The following CPNE2 variants were observed in gnomAD, a reference collection of about 807,000 sequenced individuals.
CPNE2 encodes the protein copine 2, also known as copine-2.
Under a neutral mutation model 69.7 loss-of-function variants are expected in CPNE2, and 42 were observed. The ratio of observed to expected loss-of-function variants is 0.60; its 90% CI spans 0.47 to 0.78. The LOEUF is 0.78. Ranked by LOEUF, CPNE2 falls within the 30% of genes least tolerant of loss-of-function variation. CPNE2 has a pLI of 0.00. For synonymous variants in CPNE2, 294 were observed against 289.8 expected (o/e 1.01, Z -0.15); for missense variants, 587 against 732.0 (o/e 0.80, Z 2.29).
At chr16:57,134,650 G>A in intron 12 of CPNE2, 125 bp from the exon 13 acceptor site, 1 of 968,778 alleles carries the variant, frequency 1.0e-6, no homozygotes, top group Admixed American at 1.9e-5. Flanking sequence ...GTGGCCTAGA[G>A]GAGGGTAGGG....
At chr16:57,118,565 C>T (rs1463438837) in intron 5 of CPNE2, among the ~76,000 whole-genome samples, 1 of 151,852 alleles carries the variant, frequency 6.6e-6, no homozygotes, top group African/African-American at 2.4e-5. Context: ...ACCTGTAATC[C>T]CAGCTACTTG....
chr16:57,094,762 C>G (rs982457181), intron 1 of CPNE2, among the ~76,000 whole-genome samples: 3 of 152,144 alleles, frequency 2.0e-5, no homozygotes, highest in African/African-American at 2.4e-5. Context: ...TGCTCCTCCC[C>G]CTCCCGTCAG....
chr16:57,121,847 G>C, intron 9 of CPNE2, 87 bp downstream of exon 9: 1 of 1,304,478 alleles, frequency 7.7e-7, no homozygotes, highest in Non-Finnish European at 1.1e-6. Flanking sequence ...TGGAGCCAGC[G>C]AGGCCTGTGT....
intron 14 of CPNE2, among the ~76,000 whole-genome samples, chr16:57,140,014 G>A (rs894891570): frequency 2.6e-5 from 4 of 151,624 alleles, no homozygotes; most frequent in Non-Finnish European, 5.9e-5. Flanking sequence ...AAGAGTGGCC[G>A]GGGTAGAGGG....
chr16:57,140,856 C>T (rs1231969713), intron 14 of CPNE2: 2 of 148,542 alleles, frequency 1.3e-5, no homozygotes, highest in African/African-American at 5.0e-5. Context: ...TGAGCCACGG[C>T]ACCCGGCCGG....
chr16:57,122,416 G>A (rs1400456397), intron 9 of CPNE2, among the ~76,000 whole-genome samples: 4 of 152,192 alleles, frequency 2.6e-5, no homozygotes, highest in African/African-American at 2.4e-5. Context: ...GGGTTTACAC[G>A]AACATTCAGT....
In CPNE2 at chr16:57,113,437, C is replaced by T. The variant is rs2069694821; in HGVS notation, c.330C>T (p.Phe110=). ...GTATGCGGCTGGACGAGCATGACTT[C>T]CTGGGCCAGTTCTCCTGCAGCCTGG... ...KSSMRLDEHD[F]LGQFSCSLGT... is the part of the protein sequence containing the mutation. The change falls in exon 3 of 16, where the codon TTC becomes TTT. Residue 110 remains phenylalanine, a synonymous_variant. Coordinates refer to ENST00000290776, the MANE Select transcript of CPNE2 (RefSeq NM_152727.6). 1.2e-6 allele frequency: 2 copies of T among 1,613,892 alleles called. No homozygotes were observed. Among genetic ancestry groups the T allele is most frequent in the Admixed American group, 1.7e-5 (1 of 59,986 alleles).
chr16:57,118,749 A>G (rs1490052794), intron 5 of CPNE2, among the ~76,000 whole-genome samples: 2 of 152,068 alleles, frequency 1.3e-5, no homozygotes, highest in African/African-American at 4.8e-5. Flanking sequence ...TTAAACCTTA[A>G]ATGATTTTTT....
chr16:57,140,192 CAG>C (rs1331141836), intron 14 of CPNE2, among the ~76,000 whole-genome samples: 5 of 151,140 alleles, frequency 3.3e-5, no homozygotes, highest in East Asian at 2.0e-4. Flanking sequence ...TTTTTTGAGA[CAG>C]AGTTTCACTC....
intron 1 of CPNE2, among the ~76,000 whole-genome samples, chr16:57,107,181 C>T (rs1312747430): frequency 6.6e-6 from 1 of 152,232 alleles, no homozygotes; most frequent in Non-Finnish European, 1.5e-5. Flanking sequence ...CACAGCTGCC[C>T]AGCTGCACAC....
chr16:57,095,952 A>G (rs1457506592), intron 1 of CPNE2, among the ~76,000 whole-genome samples: 1 of 152,096 alleles, frequency 6.6e-6, no homozygotes, highest in Non-Finnish European at 1.5e-5. Flanking sequence ...TCCCTCCCCA[A>G]AGGGTGTCAG....
At position 57,118,349 on chromosome 16, in the gene CPNE2, A is replaced by G. The variant is rs568875929; in HGVS notation, c.507+782A>G. Among the ~76,000 whole-genome samples the G allele has an allele frequency of 1.0e-4, 6 of 60,242 alleles. No homozygotes were observed. In the South Asian group the frequency reaches 1.5e-3, roughly 15 times the overall value. The allele number at this position is 60,242 out of a possible 152,430, so 39.5% of individuals were successfully genotyped here. On this transcript the variant is annotated intron_variant, in intron 5 of 15. Transcript: ENST00000290776. ...CCCAGCTAATTTTTTTTTTTTTTGT[A>G]CTTTTAGTAGAGACGGGGTTTCACT...
At chr16:57,110,452 G>T in intron 1 of CPNE2, 1 of 182,506 alleles carries the variant, frequency 5.5e-6, no homozygotes, top group South Asian at 1.8e-4. Context: ...CTTGAACTCC[G>T]GGCTTCCAGG....
intron 7 of CPNE2, among the ~76,000 whole-genome samples, chr16:57,120,074 A>G (rs1456850504): frequency 6.6e-6 from 1 of 151,016 alleles, no homozygotes; most frequent in African/African-American, 2.4e-5. Flanking sequence ...GGAGTTCAAG[A>G]CCAGCCTGGC....
chr16:57,115,141 G>C (rs2069709370), intron 3 of CPNE2, among the ~76,000 whole-genome samples: 1 of 152,136 alleles, frequency 6.6e-6, no homozygotes, highest in African/African-American at 2.4e-5. Context: ...GGCAGGTGGG[G>C]TCTGTGGAAT....
chr16:57,124,234 A>G (rs1216686754), intron 10 of CPNE2: 3 of 361,392 alleles, frequency 8.3e-6, no homozygotes, highest in Admixed American at 6.7e-5. Context: ...GGTGCATGCC[A>G]TCATGCCCAG....
intron 11 of CPNE2, 48 bp downstream of exon 11, chr16:57,126,041 C>T: frequency 6.2e-7 from 1 of 1,607,504 alleles, no homozygotes; most frequent in Non-Finnish European, 8.5e-7. Flanking sequence ...TCCATCCAAC[C>T]TGGGAAGCTC....
At chr16:57,107,731 A>G (rs1445667851) in intron 1 of CPNE2, among the ~76,000 whole-genome samples, 1 of 151,958 alleles carries the variant, frequency 6.6e-6, no homozygotes, top group African/African-American at 2.4e-5. Flanking sequence ...AAGACTTCCC[A>G]TTGCTCTCAG....
intron 1 of CPNE2, among the ~76,000 whole-genome samples, chr16:57,093,099 AG>A (rs1305485378): frequency 6.7e-6 from 1 of 149,904 alleles, no homozygotes; most frequent in East Asian, 2.0e-4. Flanking sequence ...ACCCGCCCCG[AG>A]GGGCTTGGAG....
Sources: allele counts gnomAD v4.1 joint callset (sites outside exome capture counted in the v4.1 genomes callset), GRCh38; gene constraint gnomAD v4.1.1; transcripts MANE v1.5; gene names NCBI Gene and HGNC (gene_info 2026-07-23, HGNC 2026-07-21).